MEA1: variants seen among roughly 807,000 people sequenced by gnomAD.
MEA1 encodes male-enhanced antigen 1, also known as Male-enhanced antigen (H-Y structural gene).
A neutral mutation model predicts 21.4 loss-of-function variants in MEA1; 22 were observed. That is an observed-to-expected ratio of 1.03 (90% CI 0.73 to 1.47). The LOEUF (loss-of-function observed/expected upper bound fraction) is 1.47. Among genes scored for constraint, MEA1 ranks in the 40% most tolerant of loss-of-function variants. The pLI, the probability that MEA1 is intolerant of heterozygous loss-of-function variation, is 0.00. For synonymous variants in MEA1, 91 were observed against 85.5 expected (o/e 1.06, Z -0.35); for missense variants, 233 against 230.5 (o/e 1.01, Z -0.07).
chr6:43,016,322 A>G (rs1444405087), upstream of MEA1: 1 of 152,274 alleles, frequency 6.6e-6, no homozygotes, highest in African/African-American at 2.4e-5. Context: ...TCTACTGGAA[A>G]TGGCTTGTTC....
In MEA1 at chr6:43,013,352, G is replaced by A. The variant is rs1762443020; in HGVS notation, c.66C>T (p.Asp22=). The A allele has an allele frequency of 6.2e-7, 1 of 1,613,896 alleles. No homozygotes were observed. The highest frequency in any genetic ancestry group is 8.5e-7 in the Non-Finnish European group (1 of 1,180,022). ...GGAAGATACGCTCAGGGCCCATGGTGTCTCCTCCTAGAACTACTGTTGCCA... is the reference window on the plus strand; with the variant it reads ...GGAAGATACGCTCAGGGCCCATGGTATCTCCTCCTAGAACTACTGTTGCCA... The part of the protein sequence containing the change: ...ARMATVVLGG[D]TMGPERIFPN... Residue 22 remains aspartate (D), a synonymous_variant, in exon 2 of 4, where the codon GAC becomes GAT. Coordinates refer to ENST00000244711, the MANE Select transcript of MEA1 (RefSeq NM_014623.4).
upstream of MEA1, chr6:43,014,228 G>A: frequency 1.7e-6 from 2 of 1,179,422 alleles, no homozygotes; most frequent in Non-Finnish European, 2.3e-6. Context: ...GCTGCCCGCC[G>A]GAAGAACCGA....
At chr6:43,013,480 A>T (rs1254012337) in intron 1 of MEA1, 91 bp from the exon 2 acceptor site, 10 of 1,423,494 alleles carry the variant, frequency 7.0e-6, no homozygotes, top group Non-Finnish European at 9.5e-6. Flanking sequence ...TCCTGCGTGC[A>T]AAAAACCAGC....
rs1302088807 is a variant in MEA1 at position 43,012,518 on chromosome 6, C to T, written c.510G>A (p.Val170=). 2 of 1,611,090 alleles carry T rather than the reference C, an allele frequency of 1.2e-6. No homozygotes were observed. The highest frequency in any genetic ancestry group is 1.7e-6 in the Non-Finnish European group (2 of 1,178,944). ...REISDAQWED[V]VQKALQARQA... is the part of the protein sequence containing the mutation. ...GCCGGGCTTGGAGGGCTTTCTGTAC[C>T]ACATCTTCCCACTGGGCATCCGATA... The change falls in exon 4 of 4, where the codon GTG becomes GTA. Residue 170 remains valine (V), a synonymous_variant. Transcript: ENST00000244711.
At position 43,013,770 on chromosome 6, in the gene MEA1, A is replaced by T; in HGVS notation, c.28+16T>A. On this transcript the variant is annotated intron_variant, in intron 1 of 3. Coordinates refer to ENST00000244711, the MANE Select transcript of MEA1 (RefSeq NM_014623.4). ...CCCGCCCCCTTCTCCCCTCTCCTAG[A>T]GGACCCCCTCTGTACCGCCTGACAG... The T allele has an allele frequency of 6.3e-7, 1 of 1,589,816 alleles. No homozygotes were observed. The highest frequency in any genetic ancestry group is 1.1e-5 in the South Asian group (1 of 89,742).
chr6:43,014,146 C>T (rs1485485192), upstream of MEA1: 2 of 1,413,888 alleles, frequency 1.4e-6, no homozygotes, highest in Non-Finnish European at 1.8e-6. Flanking sequence ...CCCTCTCGTC[C>T]CTCAGGAAAC....
chr6:43,013,319 CTGAT>C lies in MEA1; in HGVS notation c.95_98del (p.Asn32ArgfsTer41), dbSNP rs773825697. 6 of 1,614,106 alleles carry C rather than the reference CTGAT, an allele frequency of 3.7e-6. No individual in the cohort carries two copies. The highest frequency in any genetic ancestry group is 4.2e-6 in the Non-Finnish European group (5 of 1,180,020). ...GGCCCTGATGTCCCAGTTCCTCAGTCTGATTGGGGAAGATACGCTCAGGGCCCAT... is the reference window on the plus strand; with the variant it reads ...GGCCCTGATGTCCCAGTTCCTCAGTCTGGGGAAGATACGCTCAGGGCCCAT... On this transcript the variant is annotated frameshift_variant, in exon 2 of 4. Coordinates refer to ENST00000244711, the MANE Select transcript of MEA1 (RefSeq NM_014623.4). LOFTEE classifies it high-confidence loss of function.
Position 43,012,980 on chromosome 6 carries a change from C to G in MEA1, c.352G>C (p.Asp118His). The change falls in exon 3 of 4, where the codon GAT becomes CAT. Residue 118 changes from aspartate (D) to histidine (H), a missense_variant. Coordinates refer to ENST00000244711, the MANE Select transcript of MEA1 (RefSeq NM_014623.4). ...TTCAACGCTGTAGCTCCCTCCTCAT[C>G]TTCATCTTCACTCTCTAATGGTGGG... ...PDPPLESEDE[D>H]EEGATALNNH... The G allele has an allele frequency of 6.2e-7, 1 of 1,614,196 alleles. No individual in the cohort carries two copies. Among genetic ancestry groups the G allele is most frequent in the Admixed American group, 1.7e-5 (1 of 60,024 alleles).
At position 43,013,022 on chromosome 6, in the gene MEA1, C is replaced by G. The variant is rs368829003; in HGVS notation, c.310G>C (p.Gly104Arg). The change falls in exon 3 of 4, where the codon GGG becomes CGG. Residue 104 changes from glycine to arginine, a missense_variant. Physicochemically the swap from Gly to Arg is moderately radical, Grantham distance 125. Coordinates refer to ENST00000244711, the MANE Select transcript of MEA1 (RefSeq NM_014623.4). ...AATGGTGGGTCTGGCAAATGAAGCC[C>G]CAGGGCCTGCAGAGCCACAGAAGAC... The part of the protein sequence containing the change: ...ADIQDRIQAL[G>R]LHLPDPPLES... 3.1e-6 allele frequency: 5 copies of G among 1,614,076 alleles called. No homozygotes were observed. In the African/African-American group the frequency reaches 5.3e-5, roughly 17 times the overall value.
At chr6:43,013,496 C>A in intron 1 of MEA1, 107 bp from the exon 2 acceptor site, 1 of 1,254,684 alleles carries the variant, frequency 8.0e-7, no homozygotes, top group Non-Finnish European at 1.1e-6. Context: ...CCAGCTCCTC[C>A]CCGAGGCTCC....
At chr6:43,015,633 T>A (rs1273995466), upstream of MEA1, among the ~76,000 whole-genome samples, 1 of 152,046 alleles carries the variant, frequency 6.6e-6, no homozygotes, top group Non-Finnish European at 1.5e-5. Context: ...GTGGATCACC[T>A]GAGGTCAGGA....
upstream of MEA1, chr6:43,014,441 A>G (rs1762505519): frequency 7.7e-6 from 3 of 387,876 alleles, no homozygotes; most frequent in African/African-American, 3.1e-5. Flanking sequence ...CCTGAGAGTG[A>G]TGAGGTGGGG....
rs764761304 is a variant in MEA1 at position 43,013,312 on chromosome 6, C to A, written c.106G>T (p.Glu36Ter). 1 of 1,614,138 alleles carries A rather than the reference C, an allele frequency of 6.2e-7. No homozygotes were observed. Among genetic ancestry groups the A allele is most frequent in the Non-Finnish European group, 8.5e-7 (1 of 1,180,026 alleles). Residue 36 changes from glutamate (E) to a stop codon, truncating the protein, a stop_gained, in exon 2 of 4, where the codon GAA becomes TAA. Transcript: ENST00000244711. LOFTEE classifies it high-confidence loss of function. ...TCTGAAGGGCCCTGATGTCCCAGTTCCTCAGTCTGATTGGGGAAGATACGC... is the reference window on the plus strand; with the variant it reads ...TCTGAAGGGCCCTGATGTCCCAGTTACTCAGTCTGATTGGGGAAGATACGC... Reference protein sequence around the residue: ...PERIFPNQTEELGHQGPSEGT... With the variant: ...PERIFPNQTE
At chr6:43,014,151 G>A (rs985691306), upstream of MEA1, 8 of 1,414,358 alleles carry the variant, frequency 5.7e-6, no homozygotes, top group Admixed American at 2.9e-5. Flanking sequence ...TCGTCCCTCA[G>A]GAAACGTATG....
At chr6:43,012,788 T>C (rs1160160219) in intron 3 of MEA1, 138 bp downstream of exon 3, 11 of 1,221,972 alleles carry the variant, frequency 9.0e-6, no homozygotes, top group Middle Eastern at 3.9e-4. Flanking sequence ...AGCATTTCAC[T>C]TGGACTCTGA....
chr6:43,014,034 C>T, upstream of MEA1: 3 of 1,421,842 alleles, frequency 2.1e-6, no homozygotes, highest in South Asian at 1.6e-5. Flanking sequence ...CCGTCATTCC[C>T]AGCCCAAAAA....
At chr6:43,015,455 G>A (rs1762543702), upstream of MEA1, among the ~76,000 whole-genome samples, 1 of 152,168 alleles carries the variant, frequency 6.6e-6, no homozygotes. Context: ...AAACTCAGGA[G>A]ATGCTTGCCA....
Position 43,012,572 on chromosome 6 carries a change from C to G in MEA1, c.456G>C (p.Ala152=). The change falls in exon 4 of 4, where the codon GCG becomes GCC. Residue 152 remains alanine, a synonymous_variant. Transcript: ENST00000244711. ...KRTMAGVSLP[A]PGVPAWAREI... is the part of the protein sequence containing the mutation. Reference sequence around the variant, plus strand: ...CCCGAGCCCAGGCAGGAACCCCTGGCGCAGGCAGGCTTACTCCAGCCATTG... The same window carrying G: ...CCCGAGCCCAGGCAGGAACCCCTGGGGCAGGCAGGCTTACTCCAGCCATTG... 1.2e-6 allele frequency: 2 copies of G among 1,612,594 alleles called. No homozygotes were observed. Among genetic ancestry groups the G allele is most frequent in the Non-Finnish European group, 1.7e-6 (2 of 1,179,356 alleles).
chr6:43,016,642 T>C (rs1438379444), upstream of MEA1: 4 of 155,212 alleles, frequency 2.6e-5, no homozygotes, highest in East Asian at 7.6e-4. Flanking sequence ...AAAGCTTTTC[T>C]GCTTTGAGGC....
Sources: gnomAD v4.1 joint callset for allele counts (sites outside exome capture counted in the v4.1 genomes callset) on GRCh38, gnomAD v4.1.1 for gene constraint, MANE v1.5 for transcripts, NCBI Gene and HGNC (gene_info 2026-07-23, HGNC 2026-07-21) for gene names.